Variants in ASPRV1 observed in about 807,000 individuals in gnomAD.
The protein encoded by ASPRV1 is aspartic peptidase retroviral like 1, also known as retroviral-like aspartic protease 1.
A neutral mutation model predicts 11.0 loss-of-function variants in ASPRV1; 7 were observed. The ratio of observed to expected loss-of-function variants is 0.64; its 90% CI spans 0.36 to 1.20. The LOEUF (loss-of-function observed/expected upper bound fraction) is 1.20, where lower values mean the gene tolerates loss of function less well. Ranked by LOEUF, ASPRV1 falls within the 50% of genes most tolerant of loss-of-function variation. The pLI, the probability that ASPRV1 is intolerant of heterozygous loss-of-function variation, is 0.02. For missense variants in ASPRV1, 299 were observed against 320.0 expected, an observed-to-expected ratio of 0.93 and a Z score of 0.50; for synonymous variants, 136 against 138.4, an observed-to-expected ratio of 0.98 and a Z score of 0.12.
At chr2:70,084,719 C>T in the ASPRV1 span, among the ~76,000 whole-genome samples, 1 of 152,042 alleles carries the variant, frequency 6.6e-6, no homozygotes, top group South Asian at 2.1e-4. Flanking sequence ...CATATGTGTG[C>T]ATAAATGTCT....
downstream of ASPRV1, among the ~76,000 whole-genome samples, chr2:69,957,123 A>G (rs925048728): frequency 5.3e-5 from 8 of 152,196 alleles, no homozygotes; most frequent in African/African-American, 1.9e-4. Context: ...AGATCAGATG[A>G]TAGTGGTATT....
At chr2:70,023,890 G>T in the ASPRV1 span, among the ~76,000 whole-genome samples, 2 of 151,700 alleles carry the variant, frequency 1.3e-5, no homozygotes, top group African/African-American at 2.4e-5. Flanking sequence ...TGAAATAGAA[G>T]ACAAACAATA....
At chr2:70,018,579 T>C in the ASPRV1 span, among the ~76,000 whole-genome samples, 10 of 151,944 alleles carry the variant, frequency 6.6e-5, no homozygotes, top group Admixed American at 5.9e-4. Flanking sequence ...AACAGACACA[T>C]AGACTAAAGG....
the ASPRV1 span, among the ~76,000 whole-genome samples, chr2:70,038,582 C>A: frequency 7.2e-6 from 1 of 138,106 alleles, no homozygotes; most frequent in Non-Finnish European, 1.5e-5. Flanking sequence ...AAAACCATGT[C>A]TCAAGGGGGA....
chr2:70,020,417 G>T, the ASPRV1 span, among the ~76,000 whole-genome samples: 4 of 152,156 alleles, frequency 2.6e-5, no homozygotes, highest in African/African-American at 9.7e-5. Flanking sequence ...CCATGAAGAG[G>T]AAGTTCTGAA....
chr2:69,989,470 G>A, the ASPRV1 span, among the ~76,000 whole-genome samples: 6 of 152,180 alleles, frequency 3.9e-5, no homozygotes, highest in Non-Finnish European at 8.8e-5. Flanking sequence ...AGGCCTTAAG[G>A]CCCAGGAATG....
the ASPRV1 span, among the ~76,000 whole-genome samples, chr2:69,948,921 G>A: frequency 6.6e-6 from 1 of 151,988 alleles, no homozygotes; most frequent in African/African-American, 2.4e-5. Context: ...GGACACCTGG[G>A]GGCCCCCACT....
At chr2:69,959,158 G>A (rs1463098012), downstream of ASPRV1, among the ~76,000 whole-genome samples, 3 of 152,166 alleles carry the variant, frequency 2.0e-5, no homozygotes, top group Non-Finnish European at 4.4e-5. Flanking sequence ...AGCTGTCCAG[G>A]TGGGAACTTC....
the ASPRV1 span, among the ~76,000 whole-genome samples, chr2:69,968,757 G>T: frequency 6.6e-6 from 1 of 152,166 alleles, no homozygotes; most frequent in African/African-American, 2.4e-5. Flanking sequence ...CGTCTGCATG[G>T]GCCTGAGTCT....
the ASPRV1 span, among the ~76,000 whole-genome samples, chr2:69,952,251 C>T: frequency 5.9e-5 from 9 of 152,218 alleles, no homozygotes; most frequent in African/African-American, 2.2e-4. Flanking sequence ...ATTGCCTGGC[C>T]GGGTGCAGTG....
the ASPRV1 span, among the ~76,000 whole-genome samples, chr2:69,947,528 C>A: frequency 1.3e-5 from 2 of 152,148 alleles, no homozygotes; most frequent in African/African-American, 4.8e-5. Flanking sequence ...TCCCCTTAGT[C>A]TCTTCTCTGG....
At chr2:70,034,093 T>C in the ASPRV1 span, among the ~76,000 whole-genome samples, 4 of 133,586 alleles carry the variant, frequency 3.0e-5, no homozygotes, top group South Asian at 2.4e-4. Flanking sequence ...GGGTGGAGCC[T>C]GCAGTGAGCC....
At chr2:69,937,119 C>G in the ASPRV1 span, 1 of 1,364,968 alleles carries the variant, frequency 7.3e-7, no homozygotes, top group Admixed American at 1.7e-5. Context: ...ATGAGTGGCA[C>G]CGAAAGGCGT....
chr2:70,027,085 A>G, the ASPRV1 span, among the ~76,000 whole-genome samples: 4 of 151,956 alleles, frequency 2.6e-5, no homozygotes, highest in Admixed American at 6.6e-5. Flanking sequence ...TCCCGCCTCT[A>G]CAAAAAATTT....
chr2:70,036,115 T>C, the ASPRV1 span, among the ~76,000 whole-genome samples: 1 of 151,784 alleles, frequency 6.6e-6, no homozygotes, highest in African/African-American at 2.4e-5. Context: ...AGAGATGAAT[T>C]TTCCAAAGAG....
chr2:69,957,158 A>G (rs756500240), downstream of ASPRV1, among the ~76,000 whole-genome samples: 5 of 152,160 alleles, frequency 3.3e-5, no homozygotes, highest in Non-Finnish European at 7.3e-5. Context: ...CCTGATTTTG[A>G]TAACTGCATC....
chr2:70,017,103 G>A, the ASPRV1 span, among the ~76,000 whole-genome samples: 9 of 152,070 alleles, frequency 5.9e-5, no homozygotes, highest in African/African-American at 2.2e-4. Context: ...CCATTCTCCT[G>A]CCTCAGCCTC....
chr2:69,942,827 TAC>T, the ASPRV1 span: 1 of 152,110 alleles, frequency 6.6e-6, no homozygotes, highest in Non-Finnish European at 1.5e-5. Flanking sequence ...TGCTTTTTAC[TAC>T]AGTTAGCACA....
chr2:69,945,914 G>A, the ASPRV1 span, among the ~76,000 whole-genome samples: 1 of 152,178 alleles, frequency 6.6e-6, no homozygotes, highest in African/African-American at 2.4e-5. Flanking sequence ...TCAACGCAGG[G>A]AGCTCTGTGT....
Sources: allele counts gnomAD v4.1 joint callset (sites outside exome capture counted in the v4.1 genomes callset), GRCh38; gene constraint gnomAD v4.1.1; transcripts MANE v1.5; gene names NCBI Gene and HGNC (gene_info 2026-07-23, HGNC 2026-07-21).